Variants in ADAP1 observed in about 807,000 individuals in gnomAD.
The protein encoded by ADAP1 is ArfGAP with dual PH domains 1.
Under a neutral mutation model 54.9 loss-of-function variants are expected in ADAP1, and 31 were observed. The observed-to-expected ratio is 0.56, with a 90% CI of 0.42 to 0.76. ADAP1 has a LOEUF of 0.76. Ranked by LOEUF, ADAP1 falls within the 30% of genes least tolerant of loss-of-function variation. ADAP1 has a pLI of 0.00. For missense variants in ADAP1, 535 were observed against 512.4 expected (o/e 1.04, Z -0.42); for synonymous variants, 313 against 202.6 (o/e 1.55, Z -4.63).
intron 3 of ADAP1, among the ~76,000 whole-genome samples, chr7:922,687 T>C (rs186249875): frequency 0.022 from 3,310 of 149,700 alleles, 86 homozygotes; most frequent in East Asian, 0.12. Context: ...GCTTTGCCTC[T>C]TGCGAAAGTG....
rs1039289479 is a variant in ADAP1, at chr7:926,152, G to A, written c.305+401C>T. 5.9e-5 allele frequency among the ~76,000 whole-genome samples: 9 copies of A among 151,934 alleles called. No homozygotes were observed. Among genetic ancestry groups the A allele is most frequent in the Admixed American group, 3.3e-4 (5 of 15,262 alleles). ...GACTGGGTCTCAGGCTTCCCCAACC[G>A]GCCACCGGTACCCACGTCCGCTCCC... On this transcript the variant is annotated intron_variant, in intron 3 of 10. Transcript: ENST00000265846. The surrounding 1 kb of genome is among the most constrained non-coding windows in gnomAD (Gnocchi z 4.6).
rs576667759 is a variant in ADAP1 at position 926,159 on chromosome 7, G to A, written c.305+394C>T. 1.6e-3 allele frequency among the ~76,000 whole-genome samples: 243 copies of A among 151,912 alleles called. 2 individuals are homozygous for A. The highest frequency in any genetic ancestry group is 5.6e-3 in the African/African-American group (231 of 41,446). On this transcript the variant is annotated intron_variant, in intron 3 of 10. Transcript: ENST00000265846. This position sits in a 1 kb window ranked among gnomAD's most constrained non-coding sequence, Gnocchi z 4.6. ...TCTCAGGCTTCCCCAACCGGCCACC[G>A]GTACCCACGTCCGCTCCCGCCCTGA...
chr7:912,520 G>T (rs1039676165), intron 4 of ADAP1, among the ~76,000 whole-genome samples: 66 of 152,282 alleles, frequency 4.3e-4, no homozygotes, highest in African/African-American at 1.4e-3. Flanking sequence ...GGCTCAGCGG[G>T]CTGAGGTTCA....
At chr7:919,566 G>A (rs1244745907) in intron 4 of ADAP1, among the ~76,000 whole-genome samples, 2 of 148,646 alleles carry the variant, frequency 1.3e-5, no homozygotes, top group Admixed American at 6.8e-5. Flanking sequence ...CAGAGATAGA[G>A]AGAGGATGAG....
rs1236519727 is a variant in ADAP1, at chr7:920,431, C to A, written c.306-381G>T. 2.8e-5 allele frequency among the ~76,000 whole-genome samples: 4 copies of A among 142,544 alleles called. No homozygotes were observed. Among genetic ancestry groups the A allele is most frequent in the Admixed American group, 7.0e-5 (1 of 14,376 alleles). 93.5% of individuals were successfully genotyped at this position (142,544 alleles called of 152,430 possible). ...CCACCCCGAGTCACACGCCCCTGGG[C>A]CCTCCCCGACCCTCCCCACCTCGTT... On this transcript the variant is annotated intron_variant, in intron 3 of 10. Transcript: ENST00000265846. This position sits in a 1 kb window ranked among gnomAD's most constrained non-coding sequence, Gnocchi z 4.5.
chr7:912,461 C>A (rs558741117), intron 4 of ADAP1, among the ~76,000 whole-genome samples: 1 of 152,166 alleles, frequency 6.6e-6, no homozygotes, highest in African/African-American at 2.4e-5. Flanking sequence ...CGTCCCCACG[C>A]AGTGACCTTG....
chr7:910,949 C>T (rs980928501), intron 4 of ADAP1, among the ~76,000 whole-genome samples: 1 of 152,218 alleles, frequency 6.6e-6, no homozygotes, highest in African/African-American at 2.4e-5. Flanking sequence ...TGTCTCCTTG[C>T]TGGGTAAGGC....
At chr7:905,228 A>C in intron 4 of ADAP1, 56 bp from the exon 5 acceptor site, 1 of 1,322,692 alleles carries the variant, frequency 7.6e-7, no homozygotes, top group African/African-American at 1.6e-5. Context: ...AGGAAACAAA[A>C]GGAGTGACGA....
In ADAP1 at chr7:898,058, G is replaced by GACCTGCAGACGCCTCCCCC. The variant is rs1416758597; in HGVS notation, c.*844_*862dup. The GACCTGCAGACGCCTCCCCC allele has an allele frequency of 4.6e-5, 7 of 152,412 alleles. No homozygotes were observed. Among genetic ancestry groups the GACCTGCAGACGCCTCCCCC allele is most frequent in the Admixed American group, 1.3e-4 (2 of 15,306 alleles). 9.4% of individuals were successfully genotyped at this position (152,412 alleles called of 1,614,324 possible). A position where few individuals can be genotyped will look rare whatever the true frequency, so the allele number is the denominator to read the frequency against. ...TGGGAGAGGGCTGGGCCCCCCAGGTGACCTGCAGACGCCTCCCCCACCTAC... is the reference window on the plus strand; with the variant it reads ...TGGGAGAGGGCTGGGCCCCCCAGGTGACCTGCAGACGCCTCCCCCACCTGCAGACGCCTCCCCCACCTAC... On this transcript the variant is annotated 3_prime_UTR_variant, in exon 11 of 11. Coordinates refer to ENST00000265846, the MANE Select transcript of ADAP1 (RefSeq NM_006869.4).
At chr7:932,166 T>C (rs1024092954) in intron 2 of ADAP1, among the ~76,000 whole-genome samples, 9 of 152,228 alleles carry the variant, frequency 5.9e-5, no homozygotes, top group Non-Finnish European at 1.3e-4. Context: ...AATCTCCTTG[T>C]GGCCCCCAGC....
At chr7:949,368 C>T (rs10232679) in intron 1 of ADAP1, among the ~76,000 whole-genome samples, 11,677 of 152,344 alleles carry the variant, frequency 0.077, 622 homozygotes, top group African/African-American at 0.15. Flanking sequence ...TGGGGCCATG[C>T]AGCCACCTGA....
At chr7:905,497 AGAAGGGAGAAG>A (rs1845149297) in intron 4 of ADAP1, 1 of 10,586 alleles carries the variant, frequency 9.4e-5, no homozygotes, top group Non-Finnish European at 1.8e-4. Context: ...AGGAGAAGGG[AGAAGGGAGAAG>A]GGAGAAGGGA....
At chr7:903,288 G>C (rs1161980339) in intron 6 of ADAP1, among the ~76,000 whole-genome samples, 3 of 152,176 alleles carry the variant, frequency 2.0e-5, no homozygotes, top group Non-Finnish European at 4.4e-5. Flanking sequence ...AGCACGGCAG[G>C]CAGGGGACGG....
chr7:903,229 G>T (rs1023794013), intron 6 of ADAP1, among the ~76,000 whole-genome samples: 7 of 152,142 alleles, frequency 4.6e-5, no homozygotes. Flanking sequence ...GAGGCCAGGG[G>T]CTGCACCCGA....
rs1391765361 is a variant in ADAP1 at position 949,993 on chromosome 7, C to T, written c.82+4403G>A. Among the ~76,000 whole-genome samples the T allele has an allele frequency of 3.3e-5, 5 of 152,262 alleles. No individual in the cohort carries two copies. In the East Asian group the frequency reaches 5.8e-4, roughly 18 times the overall value. Reference sequence around the variant, plus strand: ...AGGGTCTCAGAGAGACATCTGCACCCTCGTGCTCACACAGCACGATTCACA... The same window carrying T: ...AGGGTCTCAGAGAGACATCTGCACCTTCGTGCTCACACAGCACGATTCACA... On this transcript the variant is annotated intron_variant, in intron 1 of 10. Transcript: ENST00000265846.
chr7:947,086 C>T (rs1165118286), intron 1 of ADAP1, among the ~76,000 whole-genome samples: 1 of 151,954 alleles, frequency 6.6e-6, no homozygotes, highest in Non-Finnish European at 1.5e-5. Context: ...GTCACTCAGG[C>T]TGGAGTGCAG....
At chr7:932,862 T>G (rs1024970526) in intron 2 of ADAP1, among the ~76,000 whole-genome samples, 1 of 152,214 alleles carries the variant, frequency 6.6e-6, no homozygotes, top group Non-Finnish European at 1.5e-5. Context: ...CGGCATTAAG[T>G]GCAGAAGCTG....
intron 4 of ADAP1, 126 bp from the exon 5 acceptor site, chr7:905,298 C>CCGGG (rs1180294864): frequency 7.7e-6 from 2 of 260,152 alleles, no homozygotes; most frequent in African/African-American, 1.4e-4. Flanking sequence ...GGGACACGGA[C>CCGGG]AGGGGGAGAC....
At chr7:954,362 C>A in intron 1 of ADAP1, 34 bp downstream of exon 1, 1 of 1,043,206 alleles carries the variant, frequency 9.6e-7, no homozygotes, top group Non-Finnish European at 1.1e-6. Flanking sequence ...ACCCCGGACC[C>A]ACCCGGCCCC....
Sources: allele counts gnomAD v4.1 joint callset (sites outside exome capture counted in the v4.1 genomes callset), GRCh38; gene constraint gnomAD v4.1.1; non-coding constraint Gnocchi (gnomAD v3.1); transcripts MANE v1.5; gene names NCBI Gene and HGNC (gene_info 2026-07-23, HGNC 2026-07-21).